CNTN5: variants seen among roughly 807,000 people sequenced by gnomAD.
The protein encoded by CNTN5 is contactin-5.
Under a neutral mutation model 129.1 loss-of-function variants are expected in CNTN5, and 77 were observed. The observed-to-expected ratio is 0.60, with a 90% CI of 0.50 to 0.72. The LOEUF (loss-of-function observed/expected upper bound fraction) is 0.72. Ranked by LOEUF, CNTN5 falls within the 30% of genes least tolerant of loss-of-function variation. The pLI is 0.00. For synonymous variants in CNTN5, 509 were observed against 465.6 expected (o/e 1.09, Z -1.20); for missense variants, 1,478 against 1,328.8 (o/e 1.11, Z -1.75).
At chr11:99,989,715 C>G (rs1938931691) in intron 8 of CNTN5, among the ~76,000 whole-genome samples, 1 of 152,136 alleles carries the variant, frequency 6.6e-6, no homozygotes, top group African/African-American at 2.4e-5. Flanking sequence ...CTTCATCTCA[C>G]TTAAAGTAAA....
chr11:99,079,156 C>T (rs1393896847), intron 1 of CNTN5, among the ~76,000 whole-genome samples: 1 of 152,020 alleles, frequency 6.6e-6, no homozygotes, highest in Non-Finnish European at 1.5e-5. Flanking sequence ...GATCTCTTGG[C>T]AAATTTCCAT....
intron 3 of CNTN5, among the ~76,000 whole-genome samples, chr11:99,626,388 TAG>T (rs1190918773): frequency 6.6e-6 from 1 of 152,158 alleles, no homozygotes; most frequent in Non-Finnish European, 1.5e-5. Context: ...AAGACTGTTT[TAG>T]TGGAAGTATT....
chr11:100,235,521 C>G (rs1029435685), intron 16 of CNTN5, among the ~76,000 whole-genome samples: 1 of 152,090 alleles, frequency 6.6e-6, no homozygotes, highest in African/African-American at 2.4e-5. Context: ...TTAGGCTCTT[C>G]CGTGTAGAGC....
At chr11:99,984,436 C>T (rs1441371478) in intron 8 of CNTN5, among the ~76,000 whole-genome samples, 1 of 151,854 alleles carries the variant, frequency 6.6e-6, no homozygotes, top group East Asian at 1.9e-4. Flanking sequence ...CAGTAAGGCA[C>T]AAGATTTCTT....
At chr11:100,249,336 G>A (rs753337152) in intron 16 of CNTN5, among the ~76,000 whole-genome samples, 4 of 152,100 alleles carry the variant, frequency 2.6e-5, no homozygotes, top group Non-Finnish European at 4.4e-5. Context: ...GCAATGCTGG[G>A]GAACCCTTTA....
rs146546699 is a variant in CNTN5, at chr11:100,285,793, C to T, written c.2315-11832C>T. On this transcript the variant is annotated intron_variant, in intron 18 of 24. Coordinates refer to ENST00000524871, the MANE Select transcript of CNTN5 (RefSeq NM_014361.4). ...AGGAACAGCTCCGGTCTACAGCTCC[C>T]AGCGTGAGCGACGCAGAAGACGGGT... 4.6e-3 allele frequency among the ~76,000 whole-genome samples: 708 copies of T among 152,328 alleles called. 9 individuals are homozygous for T. In the East Asian group the frequency reaches 0.053, roughly 11 times the overall value.
chr11:99,098,930 A>G (rs1866596650), intron 1 of CNTN5, among the ~76,000 whole-genome samples: 1 of 152,122 alleles, frequency 6.6e-6, no homozygotes, highest in Non-Finnish European at 1.5e-5. Flanking sequence ...ACTGGTATCT[A>G]AAAGTAGAAA....
chr11:99,908,385 C>G (rs571367432), intron 6 of CNTN5, among the ~76,000 whole-genome samples: 2 of 152,162 alleles, frequency 1.3e-5, no homozygotes, highest in Non-Finnish European at 2.9e-5. Context: ...ACATCCTTTT[C>G]TCATCATAAT....
intron 2 of CNTN5, among the ~76,000 whole-genome samples, chr11:99,482,794 A>G (rs1262924162): frequency 1.3e-5 from 2 of 152,162 alleles, no homozygotes; most frequent in Non-Finnish European, 2.9e-5. Flanking sequence ...TAATACCCGG[A>G]ACTTCACTAA....
At chr11:99,773,945 G>T (rs1315424862) in intron 3 of CNTN5, among the ~76,000 whole-genome samples, 1 of 152,060 alleles carries the variant, frequency 6.6e-6, no homozygotes, top group Admixed American at 6.6e-5. Flanking sequence ...TCATGCCTAT[G>T]TAAGTGCTTA....
chr11:100,022,060 G>A (rs182542382), intron 9 of CNTN5, among the ~76,000 whole-genome samples: 38 of 151,986 alleles, frequency 2.5e-4, no homozygotes, highest in African/African-American at 8.4e-4. Flanking sequence ...CCTGAGGGTG[G>A]GTCTTCCTCT....
intron 1 of CNTN5, among the ~76,000 whole-genome samples, chr11:99,169,907 A>G (rs115433906): frequency 2.0e-5 from 3 of 152,158 alleles, no homozygotes; most frequent in Admixed American, 2.0e-4. Context: ...CATCCTGTAA[A>G]TATTTCAGTT....
At chr11:100,258,353 T>C (rs543679324) in intron 17 of CNTN5, among the ~76,000 whole-genome samples, 122 of 152,208 alleles carry the variant, frequency 8.0e-4, no homozygotes, top group African/African-American at 2.9e-3. Flanking sequence ...AACCAAGTTG[T>C]AAAACACTCT....
Position 99,738,961 on chromosome 11 carries a change from G to A in CNTN5, c.56-80583G>A, listed in dbSNP as rs971934312. Among the ~76,000 whole-genome samples the A allele has an allele frequency of 2.6e-5, 4 of 152,104 alleles. No homozygotes were observed. In the East Asian group the frequency reaches 5.8e-4, roughly 22 times the overall value. On this transcript the variant is annotated intron_variant, in intron 3 of 24. Coordinates refer to ENST00000524871, the MANE Select transcript of CNTN5 (RefSeq NM_014361.4). The stretch of plus-strand genomic sequence containing the variant: ...TGTATGTGTATGTGTATGTATTTGT[G>A]GATAAGGGACCAGATACCTTACAAG...
intron 3 of CNTN5, among the ~76,000 whole-genome samples, chr11:99,774,268 G>C (rs985751388): frequency 1.6e-4 from 24 of 149,154 alleles, no homozygotes; most frequent in Non-Finnish European, 3.4e-4. Context: ...ACTTATCAGA[G>C]TGATAAAAAA....
In CNTN5 at chr11:99,876,266, C is replaced by A. The variant is rs117425248; in HGVS notation, c.577+31004C>A. Among the ~76,000 whole-genome samples the A allele has an allele frequency of 2.8e-3, 426 of 152,180 alleles. 10 individuals carry two copies. The East Asian group carries it at 0.064, about 23-fold the overall frequency. On this transcript the variant is annotated intron_variant, in intron 6 of 24. Transcript: ENST00000524871. Reference sequence around the variant, plus strand: ...AACCCCATGGCTTCAAATGTTAGGCCCTTTTTCCTAATCTGTTACTGCTAA... The same window carrying A: ...AACCCCATGGCTTCAAATGTTAGGCACTTTTTCCTAATCTGTTACTGCTAA...
At chr11:99,881,014 T>C (rs1035753633) in intron 6 of CNTN5, among the ~76,000 whole-genome samples, 4 of 152,244 alleles carry the variant, frequency 2.6e-5, no homozygotes, top group African/African-American at 9.6e-5. Flanking sequence ...ATGGAGATAG[T>C]AATTGACTTT....
At chr11:99,693,444 T>C (rs1345610682) in intron 3 of CNTN5, among the ~76,000 whole-genome samples, 1 of 151,934 alleles carries the variant, frequency 6.6e-6, no homozygotes, top group Non-Finnish European at 1.5e-5. Flanking sequence ...GTAAGGGTTT[T>C]AAAGGAGGAG....
intron 9 of CNTN5, among the ~76,000 whole-genome samples, chr11:100,019,501 ATGT>A (rs1214392002): frequency 6.6e-6 from 1 of 151,958 alleles, no homozygotes; most frequent in African/African-American, 2.4e-5. Context: ...AGGTTCATCC[ATGT>A]TGTTACAAAT....
Sources: gnomAD v4.1 joint callset for allele counts (sites outside exome capture counted in the v4.1 genomes callset) on GRCh38, gnomAD v4.1.1 for gene constraint, MANE v1.5 for transcripts, NCBI Gene and HGNC (gene_info 2026-07-23, HGNC 2026-07-21) for gene names.